GABBR2: variants seen among roughly 807,000 people sequenced by gnomAD.
GABBR2 encodes the protein G-protein coupled receptor 51.
A neutral mutation model predicts 105.6 loss-of-function variants in GABBR2; 23 were observed. That is an observed-to-expected ratio of 0.22 (90% CI 0.16 to 0.31). The LOEUF (loss-of-function observed/expected upper bound fraction) is 0.31, where lower values mean the gene tolerates loss of function less well. Among genes scored for constraint, GABBR2 ranks in the 10% least tolerant of loss-of-function variants. The probability of loss-of-function intolerance (pLI) is 1.00; values close to 1 mark genes in which losing one functional copy is unlikely to be tolerated. For synonymous variants in GABBR2, 478 were observed against 499.7 expected (o/e 0.96, Z 0.58); for missense variants, 734 against 1,245.5 (o/e 0.59, Z 6.18).
chr9:98,589,923 T>C (rs1448682950), intron 1 of GABBR2, among the ~76,000 whole-genome samples: 2 of 152,098 alleles, frequency 1.3e-5, no homozygotes, highest in East Asian at 3.9e-4. Flanking sequence ...CTGTGTTGCC[T>C]AAACTGGTCT....
intron 1 of GABBR2, among the ~76,000 whole-genome samples, chr9:98,589,589 G>C (rs1829119596): frequency 6.6e-6 from 1 of 152,124 alleles, no homozygotes; most frequent in Admixed American, 6.5e-5. Flanking sequence ...TTATGGGAAA[G>C]GGTACAAAGT....
chr9:98,357,781 C>T (rs1240622335), intron 13 of GABBR2, among the ~76,000 whole-genome samples: 1 of 152,024 alleles, frequency 6.6e-6, no homozygotes, highest in Non-Finnish European at 1.5e-5. Context: ...ACCTGTGTGC[C>T]TGTCTCAATC....
At chr9:98,431,732 A>G (rs975820311) in intron 7 of GABBR2, among the ~76,000 whole-genome samples, 12 of 151,836 alleles carry the variant, frequency 7.9e-5, no homozygotes, top group Non-Finnish European at 1.3e-4. Context: ...GTCTCACTCT[A>G]TCACCCAGGC....
intron 2 of GABBR2, among the ~76,000 whole-genome samples, chr9:98,556,542 G>A (rs997507472): frequency 6.6e-6 from 1 of 152,194 alleles, no homozygotes; most frequent in Admixed American, 6.5e-5. Flanking sequence ...TGGGGCAGGG[G>A]GTCATCCAGG....
chr9:98,568,605 C>T (rs1023815516), intron 2 of GABBR2, among the ~76,000 whole-genome samples: 8 of 152,140 alleles, frequency 5.3e-5, no homozygotes, highest in Admixed American at 5.2e-4. Flanking sequence ...GGGCAGTCAC[C>T]AGCCAGCACT....
chr9:98,363,563 C>A lies in GABBR2; in HGVS notation c.1771-726G>T, dbSNP rs144560586. Reference sequence around the variant, plus strand: ...ATCCTCAAACATTTACAGCAACAATCAGAAGCTATATAAAGTTGTATACAT... The same window carrying A: ...ATCCTCAAACATTTACAGCAACAATAAGAAGCTATATAAAGTTGTATACAT... On this transcript the variant is annotated intron_variant, in intron 12 of 18. Transcript: ENST00000259455. Among the ~76,000 whole-genome samples the A allele has an allele frequency of 3.3e-5, 5 of 152,272 alleles. No homozygotes were observed. The East Asian group carries it at 9.7e-4, about 29-fold the overall frequency.
intron 3 of GABBR2, among the ~76,000 whole-genome samples, chr9:98,537,003 G>A (rs1178158789): frequency 2.6e-5 from 4 of 152,136 alleles, no homozygotes; most frequent in Non-Finnish European, 5.9e-5. Flanking sequence ...CCACCAGAGG[G>A]CGTCACTTCC....
chr9:98,652,019 A>G (rs1485902144), intron 1 of GABBR2, among the ~76,000 whole-genome samples: 1 of 152,240 alleles, frequency 6.6e-6, no homozygotes. Flanking sequence ...GTCATAGAAC[A>G]AGACTGGCCA....
At chr9:98,622,978 T>C (rs1226653547) in intron 1 of GABBR2, among the ~76,000 whole-genome samples, 1 of 152,176 alleles carries the variant, frequency 6.6e-6, no homozygotes, top group Admixed American at 6.5e-5. Flanking sequence ...CAATGTCGGT[T>C]CATCGACTGG....
intron 12 of GABBR2, among the ~76,000 whole-genome samples, chr9:98,369,663 G>A (rs1831743912): frequency 6.6e-6 from 1 of 152,146 alleles, no homozygotes; most frequent in Non-Finnish European, 1.5e-5. Context: ...AGGTAGCCAG[G>A]GAGCAAAATG....
In GABBR2 at chr9:98,492,349, T is replaced by TAAAAAAAAAAAAAAAAAAAAAAAAAAA. The variant is rs574771107; in HGVS notation, c.732+4037_732+4063dup. Among the ~76,000 whole-genome samples the TAAAAAAAAAAAAAAAAAAAAAAAAAAA allele has an allele frequency of 1.3e-3, 39 of 29,216 alleles. 4 individuals carry two copies. Among genetic ancestry groups the TAAAAAAAAAAAAAAAAAAAAAAAAAAA allele is most frequent in the Middle Eastern group, 0.036 (1 of 28 alleles). 19.2% of individuals were successfully genotyped at this position (29,216 alleles called of 152,430 possible). A position where few individuals can be genotyped will look rare whatever the true frequency, so the allele number is the denominator to read the frequency against. ...GAGCCCGCTTAAGTTTGTTTCCTAGTAAAAAAAAAAAAAAAAAAAAAAAAA... is the reference window on the plus strand; with the variant it reads ...GAGCCCGCTTAAGTTTGTTTCCTAGTAAAAAAAAAAAAAAAAAAAAAAAAAAAAAAAAAAAAAAAAAAAAAAAAAAAA... On this transcript the variant is annotated intron_variant, in intron 4 of 18. Transcript: ENST00000259455.
intron 1 of GABBR2, among the ~76,000 whole-genome samples, chr9:98,693,078 C>A (rs1181628218): frequency 6.6e-6 from 1 of 152,192 alleles, no homozygotes; most frequent in Non-Finnish European, 1.5e-5. Context: ...TGTTCCTCAC[C>A]CGGACACCTC....
chr9:98,525,772 A>C (rs1180880201), intron 3 of GABBR2, among the ~76,000 whole-genome samples: 2 of 152,254 alleles, frequency 1.3e-5, no homozygotes. Flanking sequence ...TGAAATGTCC[A>C]TCAACTGATG....
At chr9:98,620,376 A>T (rs1345346558) in intron 1 of GABBR2, among the ~76,000 whole-genome samples, 1 of 151,982 alleles carries the variant, frequency 6.6e-6, no homozygotes, top group East Asian at 1.9e-4. Flanking sequence ...TCCTACATAC[A>T]TTACCACTCT....
chr9:98,438,844 G>A (rs1725801608), intron 7 of GABBR2, among the ~76,000 whole-genome samples: 1 of 152,116 alleles, frequency 6.6e-6, no homozygotes, highest in Non-Finnish European at 1.5e-5. Flanking sequence ...AACTACACAA[G>A]CTGGCCAAGA....
intron 1 of GABBR2, among the ~76,000 whole-genome samples, chr9:98,665,442 A>T (rs983106480): frequency 6.6e-6 from 1 of 152,168 alleles, no homozygotes; most frequent in Admixed American, 6.5e-5. Flanking sequence ...ATTGACACAG[A>T]AAGCTGCCAG....
At chr9:98,703,677 A>G (rs1250426519) in intron 1 of GABBR2, among the ~76,000 whole-genome samples, 1 of 151,922 alleles carries the variant, frequency 6.6e-6, no homozygotes, top group Admixed American at 6.6e-5. Flanking sequence ...TTTTATGTAG[A>G]GACAGGGTCT....
At chr9:98,484,628 C>T (rs536256650) in intron 4 of GABBR2, among the ~76,000 whole-genome samples, 2 of 152,084 alleles carry the variant, frequency 1.3e-5, no homozygotes, top group Non-Finnish European at 2.9e-5. Flanking sequence ...GTTTGAGGTG[C>T]TTCTCAAACT....
chr9:98,294,497 C>G (rs1001793227), intron 17 of GABBR2, among the ~76,000 whole-genome samples: 12 of 144,826 alleles, frequency 8.3e-5, no homozygotes, highest in African/African-American at 3.0e-4. Flanking sequence ...ACCTCGGCAT[C>G]TTTTTTTTTT....
Sources: gnomAD v4.1 joint callset for allele counts (sites outside exome capture counted in the v4.1 genomes callset) on GRCh38, gnomAD v4.1.1 for gene constraint, MANE v1.5 for transcripts, NCBI Gene and HGNC (gene_info 2026-07-23, HGNC 2026-07-21) for gene names.